GULP1: variants seen among roughly 807,000 people sequenced by gnomAD.
GULP1 encodes the protein PTB domain-containing engulfment adapter protein 1.
A neutral mutation model predicts 40.9 loss-of-function variants in GULP1; 19 were observed. The observed-to-expected ratio is 0.46, with a 90% CI of 0.32 to 0.68. The LOEUF is 0.68. GULP1 is among the 30% of genes least tolerant of loss of function. GULP1 has a pLI of 0.03. For missense variants in GULP1, 312 were observed against 362.2 expected, an observed-to-expected ratio of 0.86 and a Z score of 1.12; for synonymous variants, 119 against 117.6, an observed-to-expected ratio of 1.01 and a Z score of -0.08.
chr2:188,381,313 C>T (rs7598380), intron 1 of GULP1, among the ~76,000 whole-genome samples: 10,218 of 152,110 alleles, frequency 0.067, 1,157 homozygotes, highest in African/African-American at 0.23. Context: ...TATTCTGTCA[C>T]ATTGCATAAA....
At chr2:188,589,792 AT>A in intron 11 of GULP1, 1 of 1,128,682 alleles carries the variant, frequency 8.9e-7, no homozygotes, top group Non-Finnish European at 1.2e-6. Flanking sequence ...CAACTTACAA[AT>A]TTTTAAAGCT....
At chr2:188,333,523 T>C (rs1187232636) in intron 1 of GULP1, among the ~76,000 whole-genome samples, 1 of 152,134 alleles carries the variant, frequency 6.6e-6, no homozygotes, top group African/African-American at 2.4e-5. Flanking sequence ...TCTTAATCTG[T>C]AAACTCTTAT....
At chr2:188,512,694 A>C (rs987000444) in intron 4 of GULP1, among the ~76,000 whole-genome samples, 27 of 152,152 alleles carry the variant, frequency 1.8e-4, no homozygotes, top group African/African-American at 6.5e-4. Context: ...ACAACTATTC[A>C]GCCTTTCAAG....
chr2:188,484,455 T>A (rs6434283), intron 4 of GULP1, among the ~76,000 whole-genome samples: 148,057 of 152,238 alleles, frequency 0.97, 72,144 homozygotes, highest in East Asian at 1. Flanking sequence ...TTTCGAAGAG[T>A]CAGAAATGAG....
intron 2 of GULP1, among the ~76,000 whole-genome samples, chr2:188,385,121 C>T (rs369432119): frequency 6.6e-6 from 1 of 152,176 alleles, no homozygotes; most frequent in Non-Finnish European, 1.5e-5. Context: ...ATTTGCCTTC[C>T]ACACTGCCCT....
chr2:188,353,693 T>G (rs910888556), intron 1 of GULP1, among the ~76,000 whole-genome samples: 24 of 151,756 alleles, frequency 1.6e-4, no homozygotes, highest in Non-Finnish European at 3.2e-4. Context: ...GTAGGTATGC[T>G]TCCCTCCTCC....
intron 7 of GULP1, among the ~76,000 whole-genome samples, chr2:188,558,396 C>T (rs1455695689): frequency 1.3e-5 from 2 of 152,104 alleles, no homozygotes; most frequent in Non-Finnish European, 1.5e-5. Context: ...AAGTGCTTTT[C>T]GCCTCCTGCC....
chr2:188,546,364 T>G (rs961594802), intron 7 of GULP1, among the ~76,000 whole-genome samples: 1 of 152,126 alleles, frequency 6.6e-6, no homozygotes, highest in Admixed American at 6.6e-5. Flanking sequence ...TTAAAATTAT[T>G]TAACGTTTCT....
At chr2:188,579,199 A>G (rs1017850447) in intron 9 of GULP1, among the ~76,000 whole-genome samples, 1 of 152,154 alleles carries the variant, frequency 6.6e-6, no homozygotes, top group Non-Finnish European at 1.5e-5. Context: ...ATGACATTCA[A>G]GTGTGAAATG....
intron 4 of GULP1, among the ~76,000 whole-genome samples, chr2:188,521,266 T>G (rs1426263457): frequency 1.3e-5 from 2 of 152,202 alleles, no homozygotes; most frequent in African/African-American, 4.8e-5. Context: ...TTAGTGATAC[T>G]AGACTTCTGT....
intron 1 of GULP1, among the ~76,000 whole-genome samples, chr2:188,318,147 A>G (rs779535030): frequency 6.6e-6 from 1 of 152,206 alleles, no homozygotes; most frequent in Non-Finnish European, 1.5e-5. Flanking sequence ...CATGATCTAG[A>G]AAGTGCAGTT....
At chr2:188,362,577 T>C (rs1377984641) in intron 1 of GULP1, among the ~76,000 whole-genome samples, 1 of 152,122 alleles carries the variant, frequency 6.6e-6, no homozygotes, top group African/African-American at 2.4e-5. Flanking sequence ...GACGTACAGG[T>C]AAACGTGTTA....
Position 188,570,077 on chromosome 2 carries a change from AT to A in GULP1, c.569del (p.Leu190TrpfsTer5). 6.8e-7 allele frequency: 1 copy of A among 1,477,532 alleles called. No individual in the cohort carries two copies. Among genetic ancestry groups the A allele is most frequent in the Non-Finnish European group, 9.4e-7 (1 of 1,068,040 alleles). The allele number at this position is 1,477,532 out of a possible 1,614,324, so 91.5% of individuals were successfully genotyped here. On this transcript the variant is annotated frameshift_variant, in exon 9 of 12. Coordinates refer to ENST00000409830, the MANE Select transcript of GULP1 (RefSeq NM_016315.4). LOFTEE classifies it high-confidence loss of function. ...ENMELKNKVQ[D>X]LENQLRITQV... ...ATGGAACTTAAAAATAAAGTACAAGATTTGGAAAACCAACTGAGAATAACTC... is the reference window on the plus strand; with the variant it reads ...ATGGAACTTAAAAATAAAGTACAAGATTGGAAAACCAACTGAGAATAACTC...
At chr2:188,443,145 G>A (rs2058079921) in intron 2 of GULP1, among the ~76,000 whole-genome samples, 2 of 150,982 alleles carry the variant, frequency 1.3e-5, no homozygotes, top group Middle Eastern at 3.4e-3. Context: ...GTAAGAATTA[G>A]CAAGTATCCA....
At chr2:188,553,942 G>T (rs1282307011) in intron 7 of GULP1, among the ~76,000 whole-genome samples, 14 of 151,914 alleles carry the variant, frequency 9.2e-5, no homozygotes, top group Admixed American at 9.2e-4. Context: ...CAGTTTGTCA[G>T]CATATAGTTT....
intron 4 of GULP1, among the ~76,000 whole-genome samples, chr2:188,513,569 G>T (rs1427989653): frequency 6.6e-6 from 1 of 152,112 alleles, no homozygotes; most frequent in African/African-American, 2.4e-5. Context: ...TCTTGGCTGT[G>T]AGGTAAAAGT....
intron 2 of GULP1, among the ~76,000 whole-genome samples, chr2:188,390,965 C>T (rs1057144887): frequency 6.6e-6 from 1 of 151,954 alleles, no homozygotes; most frequent in Admixed American, 6.6e-5. Flanking sequence ...TATTATGGTC[C>T]ATTGGTCTAT....
intron 1 of GULP1, among the ~76,000 whole-genome samples, chr2:188,322,992 A>G (rs1349768832): frequency 6.6e-6 from 1 of 151,908 alleles, no homozygotes; most frequent in Non-Finnish European, 1.5e-5. Flanking sequence ...TTATGTTCTC[A>G]TTCCTCCCCC....
chr2:188,451,893 T>A (rs1009962981), intron 2 of GULP1, among the ~76,000 whole-genome samples: 14 of 152,194 alleles, frequency 9.2e-5, no homozygotes, highest in African/African-American at 3.1e-4. Context: ...AAGTTTTATT[T>A]TAAAGGCAAA....
Sources: gnomAD v4.1 joint callset for allele counts (sites outside exome capture counted in the v4.1 genomes callset) on GRCh38, gnomAD v4.1.1 for gene constraint, MANE v1.5 for transcripts, NCBI Gene and HGNC (gene_info 2026-07-23, HGNC 2026-07-21) for gene names.